The following HEATR5B variants were observed in gnomAD, a reference collection of about 807,000 sequenced individuals.
HEATR5B encodes HEAT repeat containing 5B, also known as HEAT repeat-containing protein 5B.
Under a neutral mutation model 224.1 loss-of-function variants are expected in HEATR5B, and 156 were observed. The observed-to-expected ratio is 0.70, with a 90% confidence interval of 0.61 to 0.80. The LOEUF is 0.80. Ranked by LOEUF, HEATR5B falls within the 30% of genes least tolerant of loss-of-function variation. The pLI is 0.00. For missense variants in HEATR5B, 2,323 were observed against 2,535.5 expected (o/e 0.92, Z 1.80); for synonymous variants, 1,027 against 893.0 (o/e 1.15, Z -2.68).
chr2:37,021,674 GC>G (rs1474828930), intron 24 of HEATR5B, among the ~76,000 whole-genome samples: 1 of 152,054 alleles, frequency 6.6e-6, no homozygotes, highest in Non-Finnish European at 1.5e-5. Flanking sequence ...GATAGCTTGA[GC>G]TCAAGAGTTT....
At position 37,003,551 on chromosome 2, in the gene HEATR5B, T is replaced by A; in HGVS notation, c.5041A>T (p.Asn1681Tyr). 1 of 1,604,098 alleles carries A rather than the reference T, an allele frequency of 6.2e-7. No homozygotes were observed. Among genetic ancestry groups the A allele is most frequent in the Non-Finnish European group, 8.5e-7 (1 of 1,174,492 alleles). The part of the protein sequence containing the change: ...AAQDYLQEKR[N>Y]TLNEDDMEKE... Reference sequence around the variant, plus strand: ...AATTTCTAGTGCTTACTTAGAGTGTTTCTTTTCTCTTGCAAATAATCCTGA... The same window carrying A: ...AATTTCTAGTGCTTACTTAGAGTGTATCTTTTCTCTTGCAAATAATCCTGA... Residue 1681 changes from asparagine to tyrosine, a missense_variant, in exon 31 of 36, where the codon AAC (asparagine) becomes TAC (tyrosine). Transcript: ENST00000233099.
At chr2:36,994,179 A>C (rs541634797) in intron 33 of HEATR5B, among the ~76,000 whole-genome samples, 2 of 152,332 alleles carry the variant, frequency 1.3e-5, no homozygotes, top group East Asian at 3.8e-4. Context: ...TTATAGAGAA[A>C]GTAATAAACC....
intron 27 of HEATR5B, among the ~76,000 whole-genome samples, chr2:37,013,029 C>CT (rs1382899532): frequency 6.6e-6 from 1 of 152,082 alleles, no homozygotes; most frequent in African/African-American, 2.4e-5. Flanking sequence ...AACTGCTAAC[C>CT]TGACAGAGCT....
At chr2:37,033,295 T>C (rs1315674603) in intron 21 of HEATR5B, among the ~76,000 whole-genome samples, 2 of 152,296 alleles carry the variant, frequency 1.3e-5, no homozygotes, top group South Asian at 2.1e-4. Context: ...TAATAAAATA[T>C]ACAAAAAATA....
At chr2:37,049,258 G>A (rs1439585217) in intron 18 of HEATR5B, among the ~76,000 whole-genome samples, 2 of 152,044 alleles carry the variant, frequency 1.3e-5, no homozygotes, top group Non-Finnish European at 2.9e-5. Flanking sequence ...GCAGCAGTTA[G>A]AAAAAGAATG....
intron 24 of HEATR5B, among the ~76,000 whole-genome samples, chr2:37,022,267 C>G (rs995284235): frequency 6.6e-6 from 1 of 152,116 alleles, no homozygotes; most frequent in South Asian, 2.1e-4. Context: ...AACTCTGCCC[C>G]CAAAGGGTTC....
Position 36,981,556 on chromosome 2 carries a change from A to T in HEATR5B, c.6150T>A (p.Ala2050=). Residue 2050 remains alanine, a synonymous_variant, in exon 36 of 36, where the codon GCT becomes GCA. Transcript: ENST00000233099. ...RASQASKAKA[A]ARQPAPAIHS... The stretch of plus-strand genomic sequence containing the variant: ...GTATGGCGGGGGCTGGTTGTCTGGC[A>T]GCCGCTTTAGCTTTGCTCGCTTGGC... 1.9e-6 allele frequency: 3 copies of T among 1,614,202 alleles called. No individual in the cohort carries two copies. In the South Asian group the frequency reaches 3.3e-5, roughly 18 times the overall value.
chr2:37,040,228 G>A, intron 20 of HEATR5B, 101 bp downstream of exon 20: 1 of 956,548 alleles, frequency 1.0e-6, no homozygotes, highest in Non-Finnish European at 1.6e-6. Flanking sequence ...CATAGTAATT[G>A]TTATTACAAA....
intron 26 of HEATR5B, among the ~76,000 whole-genome samples, chr2:37,017,399 A>G (rs1668186757): frequency 6.6e-6 from 1 of 151,750 alleles, no homozygotes; most frequent in Admixed American, 6.6e-5. Flanking sequence ...TCTCAAAAAA[A>G]AAATGACAGG....
rs996597180 is a variant in HEATR5B, at chr2:37,040,220, T to C, written c.3046+109A>G. 10 of 881,666 alleles carry C rather than the reference T, an allele frequency of 1.1e-5. No individual in the cohort carries two copies. In the African/African-American group the frequency reaches 1.2e-4, roughly 11 times the overall value. The allele number at this position is 881,666 out of a possible 1,614,324, so 54.6% of individuals were successfully genotyped here. Reference sequence around the variant, plus strand: ...TCAGTAAATCCAAGTATTCAGTACATAGTAATTGTTATTACAAAATTTCTT... The same window carrying C: ...TCAGTAAATCCAAGTATTCAGTACACAGTAATTGTTATTACAAAATTTCTT... On this transcript the variant is annotated intron_variant, in intron 20 of 35. Coordinates refer to ENST00000233099, the MANE Select transcript of HEATR5B (RefSeq NM_019024.3).
chr2:36,999,843 C>T (rs1666973000), intron 33 of HEATR5B, among the ~76,000 whole-genome samples: 1 of 151,758 alleles, frequency 6.6e-6, no homozygotes, highest in South Asian at 2.1e-4. Flanking sequence ...GAAACCACGT[C>T]TTTATTAAAA....
chr2:37,015,350 C>T (rs1214879607), intron 26 of HEATR5B, among the ~76,000 whole-genome samples: 1 of 152,094 alleles, frequency 6.6e-6, no homozygotes, highest in Non-Finnish European at 1.5e-5. Context: ...AAAACTGTTC[C>T]AGTACTTCTG....
intron 27 of HEATR5B, among the ~76,000 whole-genome samples, chr2:37,011,084 AC>A (rs1667756663): frequency 6.6e-6 from 1 of 152,224 alleles, no homozygotes; most frequent in Non-Finnish European, 1.5e-5. Context: ...AGTACACTCT[AC>A]CCAGTGCACA....
chr2:37,054,019 G>T (rs887737660), intron 16 of HEATR5B, among the ~76,000 whole-genome samples: 1 of 151,582 alleles, frequency 6.6e-6, no homozygotes, highest in Non-Finnish European at 1.5e-5. Flanking sequence ...AATACTCTTA[G>T]AATAGTACCT....
chr2:37,078,149 C>T (rs954713199), intron 3 of HEATR5B, among the ~76,000 whole-genome samples: 6 of 152,072 alleles, frequency 3.9e-5, no homozygotes, highest in Admixed American at 1.3e-4. Context: ...TACCATGAGG[C>T]GAGTCATTCC....
At position 37,049,850 on chromosome 2, in the gene HEATR5B, TA is replaced by T. The variant is rs60184195; in HGVS notation, c.2506-8del. On this transcript the variant is annotated splice_polypyrimidine_tract_variant and splice_region_variant and intron_variant, in intron 17 of 35. Transcript: ENST00000233099. The stretch of plus-strand genomic sequence containing the variant: ...TTTTGTTTTCAGCTAAGCCCTACAT[TA>T]AAAAAAAAAAAAAAAAAAAGACAGC... The T allele has an allele frequency of 0.17, 165,931 of 991,610 alleles. 102 individuals are homozygous for T. Among genetic ancestry groups the T allele is most frequent in the Non-Finnish European group, 0.18 (137,973 of 782,064 alleles). The allele number at this position is 991,610 out of a possible 1,614,324, so 61.4% of individuals were successfully genotyped here. A position where few individuals can be genotyped will look rare whatever the true frequency, so the allele number is the denominator to read the frequency against.
In HEATR5B at chr2:37,073,420, T is replaced by C. The variant is rs372184360; in HGVS notation, c.598-1139A>G. Among the ~76,000 whole-genome samples, 19 of 152,268 alleles carry C rather than the reference T, an allele frequency of 1.2e-4. No homozygotes were observed. In the East Asian group the frequency reaches 2.7e-3, roughly 22 times the overall value. On this transcript the variant is annotated intron_variant, in intron 5 of 35. Coordinates refer to ENST00000233099, the MANE Select transcript of HEATR5B (RefSeq NM_019024.3). ...CACCACGCCTGGCTAATTTTTTTAT[T>C]TTTAGTAGAGATGGGGTTTCGCTAT...
At chr2:37,018,418 T>G (rs960277633) in intron 26 of HEATR5B, among the ~76,000 whole-genome samples, 1 of 152,208 alleles carries the variant, frequency 6.6e-6, no homozygotes, top group Non-Finnish European at 1.5e-5. Flanking sequence ...CAAACCAAAT[T>G]ACCTAGTCGA....
chr2:37,083,375 A>C lies in HEATR5B; in HGVS notation c.40T>G (p.Leu14Val). Residue 14 changes from leucine to valine, a missense_variant, in exon 2 of 36, where the codon TTG (leucine) becomes GTG (valine). Leu to Val is a conservative substitution (Grantham distance 32). Around this residue, in one of 12 missense-constraint regions of HEATR5B, gnomAD observed 292 missense variants for 332.6 expected, o/e 0.88. Coordinates refer to ENST00000233099, the MANE Select transcript of HEATR5B (RefSeq NM_019024.3). ...CTTTTTGCTTCGGTGATTTGAGCCA[A>C]AGCTTCTTCATTTAGCAATAAACTG... Reference protein sequence around the residue: ...AHSLLLNEEALAQITEAKRPV... With the variant: ...AHSLLLNEEAVAQITEAKRPV... 1.9e-6 allele frequency: 3 copies of C among 1,613,990 alleles called. No individual in the cohort carries two copies. Among genetic ancestry groups the C allele is most frequent in the African/African-American group, 1.3e-5 (1 of 75,052 alleles).
Sources: gnomAD v4.1 joint callset for allele counts (sites outside exome capture counted in the v4.1 genomes callset) on GRCh38, gnomAD v4.1.1 for gene constraint, gnomAD v4.1.1 regional missense constraint, MANE v1.5 for transcripts, NCBI Gene and HGNC (gene_info 2026-07-23, HGNC 2026-07-21) for gene names.